Variants in TRPC1 observed in about 807,000 individuals in gnomAD.
TRPC1 encodes the protein transient receptor potential cation channel subfamily C member 1, also known as short transient receptor potential channel 1.
TRPC1 carries 42 observed loss-of-function variants against 88.2 expected under a neutral mutation model. That is an observed-to-expected ratio of 0.48 (90% confidence interval 0.37 to 0.62). The LOEUF (loss-of-function observed/expected upper bound fraction) is 0.62, where lower values mean the gene tolerates loss of function less well. TRPC1 is among the 20% of genes least tolerant of loss of function. The probability of loss-of-function intolerance (pLI) is 0.00; values close to 1 mark genes in which losing one functional copy is unlikely to be tolerated. For synonymous variants in TRPC1, 288 were observed against 331.8 expected (o/e 0.87, Z 1.43); for missense variants, 699 against 957.3 (o/e 0.73, Z 3.56).
At chr3:142,759,939 C>A (rs1051874773) in intron 4 of TRPC1, among the ~76,000 whole-genome samples, 2 of 152,146 alleles carry the variant, frequency 1.3e-5, no homozygotes, top group African/African-American at 4.8e-5. Flanking sequence ...ACTGCAAGCT[C>A]CGCCTCCTGG....
chr3:142,790,615 C>T (rs116412230), intron 7 of TRPC1, among the ~76,000 whole-genome samples: 1 of 152,212 alleles, frequency 6.6e-6, no homozygotes, highest in African/African-American at 2.4e-5. Context: ...GGATCAGGGA[C>T]TGAGCCCCTT....
At chr3:142,774,976 T>G (rs1301254590) in intron 4 of TRPC1, among the ~76,000 whole-genome samples, 1 of 152,192 alleles carries the variant, frequency 6.6e-6, no homozygotes. Flanking sequence ...CATGATAAAG[T>G]AGGTTAATAC....
chr3:142,762,188 A>G (rs1333117185), intron 4 of TRPC1, among the ~76,000 whole-genome samples: 1 of 152,086 alleles, frequency 6.6e-6, no homozygotes, highest in African/African-American at 2.4e-5. Flanking sequence ...GGCACGTGCC[A>G]CCACATCTGA....
chr3:142,772,796 C>A (rs1935623601), intron 4 of TRPC1, among the ~76,000 whole-genome samples: 1 of 151,870 alleles, frequency 6.6e-6, no homozygotes, highest in Non-Finnish European at 1.5e-5. Context: ...CAAAAAAAAA[C>A]CCAAATTTTG....
chr3:142,790,149 C>T (rs368701273), intron 7 of TRPC1, among the ~76,000 whole-genome samples: 1 of 151,950 alleles, frequency 6.6e-6, no homozygotes, highest in East Asian at 1.9e-4. Context: ...TCAAATGGAT[C>T]TCTGGGTGAG....
chr3:142,764,017 A>ATATAT (rs1560105103), intron 4 of TRPC1, among the ~76,000 whole-genome samples: 1 of 108,856 alleles, frequency 9.2e-6, no homozygotes, highest in African/African-American at 4.2e-5. Flanking sequence ...TATATATATA[A>ATATAT]CAAATTATTT....
intron 7 of TRPC1, among the ~76,000 whole-genome samples, chr3:142,790,312 G>C (rs570072716): frequency 1.8e-4 from 28 of 152,108 alleles, no homozygotes; most frequent in Non-Finnish European, 3.7e-4. Context: ...AGGTAATTTG[G>C]AGACTTGCAG....
chr3:142,770,929 C>T (rs983330908), intron 4 of TRPC1, among the ~76,000 whole-genome samples: 2 of 152,188 alleles, frequency 1.3e-5, no homozygotes, highest in Non-Finnish European at 2.9e-5. Flanking sequence ...CCAGCATCTG[C>T]TTCTGTTAAG....
chr3:142,791,226 C>A, intron 8 of TRPC1, 68 bp downstream of exon 8: 1 of 1,402,990 alleles, frequency 7.1e-7, no homozygotes, highest in Non-Finnish European at 9.6e-7. Flanking sequence ...AGATATTTAG[C>A]TATGTAACTC....
At chr3:142,780,138 G>A (rs1055663983) in intron 5 of TRPC1, among the ~76,000 whole-genome samples, 8 of 152,056 alleles carry the variant, frequency 5.3e-5, no homozygotes, top group Admixed American at 6.5e-5. Context: ...CTGAGCCACC[G>A]CACCCAGCCG....
intron 4 of TRPC1, among the ~76,000 whole-genome samples, chr3:142,754,915 G>A (rs983264251): frequency 6.6e-6 from 1 of 152,138 alleles, no homozygotes; most frequent in Non-Finnish European, 1.5e-5. Flanking sequence ...TCTCCAAAAA[G>A]GGTGATTTTG....
intron 8 of TRPC1, among the ~76,000 whole-genome samples, chr3:142,791,692 AAG>A (rs1167866768): frequency 6.6e-6 from 1 of 152,110 alleles, no homozygotes; most frequent in Non-Finnish European, 1.5e-5. Flanking sequence ...CTGCCAGAAA[AAG>A]AGTTTCCATT....
At chr3:142,797,277 A>C (rs1197263283) in intron 9 of TRPC1, among the ~76,000 whole-genome samples, 1 of 151,762 alleles carries the variant, frequency 6.6e-6, no homozygotes, top group Non-Finnish European at 1.5e-5. Context: ...CATTTAGGAT[A>C]GGAGGTGCGT....
At chr3:142,793,444 T>C (rs537005348) in intron 9 of TRPC1, among the ~76,000 whole-genome samples, 1 of 152,194 alleles carries the variant, frequency 6.6e-6, no homozygotes, top group African/African-American at 2.4e-5. Context: ...AGTTGGAAAG[T>C]AGCATACTTA....
chr3:142,750,398 T>TA (rs886998305), intron 4 of TRPC1, among the ~76,000 whole-genome samples: 1 of 152,142 alleles, frequency 6.6e-6, no homozygotes, highest in Non-Finnish European at 1.5e-5. Flanking sequence ...TGGTGATCAT[T>TA]AAAAAGTCAG....
chr3:142,747,328 CT>C lies in TRPC1; in HGVS notation c.430-926del, dbSNP rs1304501854. On this transcript the variant is annotated intron_variant, in intron 3 of 12. Coordinates refer to ENST00000476941, the MANE Select transcript of TRPC1 (RefSeq NM_001251845.2). ...TATTTTATAATAAGTATATACACTA[CT>C]TTTATAATATTGCAAAAAAAAAGTA... Among the ~76,000 whole-genome samples, 11 of 140,588 alleles carry C rather than the reference CT, an allele frequency of 7.8e-5. No homozygotes were observed. In the East Asian group the frequency reaches 2.2e-3, roughly 28 times the overall value. 92.2% of individuals were successfully genotyped at this position (140,588 alleles called of 152,430 possible). A position where few individuals can be genotyped will look rare whatever the true frequency, so the allele number is the denominator to read the frequency against.
intron 4 of TRPC1, among the ~76,000 whole-genome samples, chr3:142,754,263 T>C (rs754586496): frequency 8.5e-5 from 13 of 152,082 alleles, no homozygotes; most frequent in Non-Finnish European, 1.8e-4. Context: ...TCTCAATATT[T>C]GATGTATTTT....
At chr3:142,760,078 G>A (rs1240097470) in intron 4 of TRPC1, among the ~76,000 whole-genome samples, 2 of 152,072 alleles carry the variant, frequency 1.3e-5, no homozygotes, top group South Asian at 2.1e-4. Context: ...CACCCACCTC[G>A]GCCTCCCAAA....
At chr3:142,799,389 A>C (rs557303811) in intron 9 of TRPC1, among the ~76,000 whole-genome samples, 1 of 152,314 alleles carries the variant, frequency 6.6e-6, no homozygotes, top group African/African-American at 2.4e-5. Context: ...AAATAAATTT[A>C]CTGTTTTTAA....
Sources: allele counts gnomAD v4.1 joint callset (sites outside exome capture counted in the v4.1 genomes callset), GRCh38; gene constraint gnomAD v4.1.1; transcripts MANE v1.5; gene names NCBI Gene and HGNC (gene_info 2026-07-23, HGNC 2026-07-21).